Variants in SNCAIP observed in about 807,000 individuals in gnomAD.
SNCAIP encodes synuclein alpha interacting protein.
In SNCAIP, 43 loss-of-function variants were observed where a neutral mutation model predicts 86.7. That is an observed-to-expected ratio of 0.50 (90% CI 0.39 to 0.64). The LOEUF (loss-of-function observed/expected upper bound fraction) is 0.64, where lower values mean the gene tolerates loss of function less well. Among genes scored for constraint, SNCAIP ranks in the 30% least tolerant of loss-of-function variants. The probability of loss-of-function intolerance (pLI) is 0.00; values close to 1 mark genes in which losing one functional copy is unlikely to be tolerated. For synonymous variants in SNCAIP, 417 were observed against 427.2 expected, an observed-to-expected ratio of 0.98 and a Z score of 0.29; for missense variants, 981 against 1,103.1, an observed-to-expected ratio of 0.89 and a Z score of 1.57.
chr5:122,381,423 GC>G (rs1189283681), intron 1 of SNCAIP, among the ~76,000 whole-genome samples: 2 of 143,750 alleles, frequency 1.4e-5, no homozygotes, highest in Admixed American at 1.4e-4. Flanking sequence ...TTTATTTTGA[GC>G]CTATGTGTGT....
intron 1 of SNCAIP, among the ~76,000 whole-genome samples, chr5:122,375,907 A>T (rs1355062130): frequency 6.6e-6 from 1 of 152,114 alleles, no homozygotes; most frequent in East Asian, 1.9e-4. Context: ...TGTGGGGAAG[A>T]GGTCACCATC....
chr5:122,456,273 C>T (rs937240968), intron 10 of SNCAIP, among the ~76,000 whole-genome samples: 8 of 152,204 alleles, frequency 5.3e-5, no homozygotes, highest in Non-Finnish European at 8.8e-5. Flanking sequence ...GAACTTCATA[C>T]TGAGAGCCAA....
intron 10 of SNCAIP, among the ~76,000 whole-genome samples, chr5:122,460,092 T>C (rs1479019182): frequency 6.6e-6 from 1 of 152,142 alleles, no homozygotes; most frequent in Non-Finnish European, 1.5e-5. Flanking sequence ...TGTACTATTT[T>C]AATCTTCTCA....
intron 3 of SNCAIP, among the ~76,000 whole-genome samples, chr5:122,415,301 C>T (rs567879083): frequency 6.6e-6 from 1 of 152,226 alleles, no homozygotes; most frequent in Non-Finnish European, 1.5e-5. Context: ...GAGTAGGCTG[C>T]AGGCCAGCAC....
chr5:122,344,924 A>G (rs1758296105), intron 1 of SNCAIP, among the ~76,000 whole-genome samples: 1 of 152,198 alleles, frequency 6.6e-6, no homozygotes, highest in Admixed American at 6.5e-5. Context: ...CATCATGAAA[A>G]TAGAACACAA....
At chr5:122,377,817 A>G (rs1328711856) in intron 1 of SNCAIP, among the ~76,000 whole-genome samples, 1 of 150,026 alleles carries the variant, frequency 6.7e-6, no homozygotes, top group Non-Finnish European at 1.5e-5. Context: ...GCGATAGTTT[A>G]CTGAGAATGA....
At chr5:122,382,986 T>C (rs1349036034) in intron 1 of SNCAIP, among the ~76,000 whole-genome samples, 8 of 152,222 alleles carry the variant, frequency 5.3e-5, no homozygotes, top group Admixed American at 5.2e-4. Flanking sequence ...AGGTTACTGC[T>C]GTCTTTTTGT....
In SNCAIP at chr5:122,423,391, G is replaced by T; in HGVS notation, c.654G>T (p.Leu218Phe). 1 of 1,613,572 alleles carries T rather than the reference G, an allele frequency of 6.2e-7. No individual in the cohort carries two copies. The highest frequency in any genetic ancestry group is 8.5e-7 in the Non-Finnish European group (1 of 1,179,648). ...CVLSPVKSPH[L>F]RKASAVIHDQ... ...TTTCTCCCGTGAAAAGCCCTCACTT[G>T]AGAAAAGCATCAGCTGTCATCCACG... Residue 218 changes from leucine to phenylalanine, a missense_variant, in exon 4 of 11, where the codon TTG becomes TTT. By Grantham distance (22) the Leu-to-Phe change is conservative. Transcript: ENST00000261368.
chr5:122,316,347 A>G (rs1751722358), intron 1 of SNCAIP, among the ~76,000 whole-genome samples: 1 of 152,200 alleles, frequency 6.6e-6, no homozygotes, highest in South Asian at 2.1e-4. Context: ...AGTGGCATCC[A>G]CACTCCTGAG....
At chr5:122,460,631 G>C (rs1218360304) in intron 10 of SNCAIP, among the ~76,000 whole-genome samples, 1 of 152,032 alleles carries the variant, frequency 6.6e-6, no homozygotes, top group Non-Finnish European at 1.5e-5. Context: ...AGCTAAATCA[G>C]TATTCAGTGT....
chr5:122,316,192 C>T (rs953570393), intron 1 of SNCAIP, among the ~76,000 whole-genome samples: 18 of 152,156 alleles, frequency 1.2e-4, no homozygotes, highest in Non-Finnish European at 2.4e-4. Context: ...TGTATATCAA[C>T]AGAAAACAAA....
chr5:122,377,992 A>G (rs1765736455), intron 1 of SNCAIP, among the ~76,000 whole-genome samples: 2 of 151,460 alleles, frequency 1.3e-5, no homozygotes, highest in Admixed American at 6.6e-5. Context: ...TAATGCCACA[A>G]TAAACATACG....
chr5:122,405,891 G>C (rs559053858), intron 3 of SNCAIP, among the ~76,000 whole-genome samples: 8 of 152,258 alleles, frequency 5.3e-5, no homozygotes, highest in African/African-American at 1.7e-4. Context: ...CGTGGTTGAG[G>C]AGGAGGCCAG....
chr5:122,338,061 A>G (rs1287232877), intron 1 of SNCAIP, among the ~76,000 whole-genome samples: 3 of 152,230 alleles, frequency 2.0e-5, no homozygotes, highest in Non-Finnish European at 2.9e-5. Context: ...GAAGTAAATG[A>G]CAATCTCAAC....
chr5:122,429,309 G>A (rs535838845), intron 5 of SNCAIP, among the ~76,000 whole-genome samples: 2 of 150,528 alleles, frequency 1.3e-5, no homozygotes, highest in Admixed American at 6.6e-5. Flanking sequence ...TAAATCCAAA[G>A]CAAGCAGAAG....
chr5:122,435,229 G>A (rs1779168963), intron 6 of SNCAIP, among the ~76,000 whole-genome samples: 1 of 152,178 alleles, frequency 6.6e-6, no homozygotes, highest in Non-Finnish European at 1.5e-5. Context: ...GAAGCATCAG[G>A]GACACCCGAG....
intron 10 of SNCAIP, among the ~76,000 whole-genome samples, chr5:122,457,088 A>G (rs1784936366): frequency 6.6e-6 from 1 of 151,926 alleles, no homozygotes; most frequent in Non-Finnish European, 1.5e-5. Context: ...TGCAACCTCC[A>G]CCTCCCAGGC....
chr5:122,423,770 A>G, intron 4 of SNCAIP, 31 bp downstream of exon 4: 3 of 1,572,300 alleles, frequency 1.9e-6, no homozygotes, highest in Non-Finnish European at 2.6e-6. Flanking sequence ...TATACATGTC[A>G]ATAGACTGGA....
intron 3 of SNCAIP, among the ~76,000 whole-genome samples, chr5:122,415,429 T>C (rs185375910): frequency 1.3e-5 from 2 of 152,324 alleles, no homozygotes; most frequent in Admixed American, 6.5e-5. Context: ...TTAGCAACAA[T>C]AAAACAAGAA....
Sources: gnomAD v4.1 joint callset for allele counts (sites outside exome capture counted in the v4.1 genomes callset) on GRCh38, gnomAD v4.1.1 for gene constraint, MANE v1.5 for transcripts, NCBI Gene and HGNC (gene_info 2026-07-23, HGNC 2026-07-21) for gene names.